MUSK: variants seen among roughly 807,000 people sequenced by gnomAD.
MUSK encodes the protein muscle associated receptor tyrosine kinase, also known as muscle, skeletal receptor tyrosine-protein kinase.
Under a neutral mutation model 88.7 loss-of-function variants are expected in MUSK, and 55 were observed. That is an observed-to-expected ratio of 0.62 (90% CI 0.50 to 0.78). The LOEUF (loss-of-function observed/expected upper bound fraction) is 0.78. MUSK is among the 30% of genes least tolerant of loss of function. The probability of loss-of-function intolerance (pLI) is 0.00; values close to 1 mark genes in which losing one functional copy is unlikely to be tolerated. For synonymous variants in MUSK, 387 were observed against 391.9 expected (o/e 0.99, Z 0.15); for missense variants, 1,015 against 1,074.3 (o/e 0.94, Z 0.77).
At chr9:110,683,372 T>C (rs1381209508) in intron 2 of MUSK, among the ~76,000 whole-genome samples, 3 of 152,116 alleles carry the variant, frequency 2.0e-5, no homozygotes, top group Admixed American at 2.0e-4. Flanking sequence ...TCTTTATCCA[T>C]TCATCTGTTA....
At chr9:110,742,859 TCTTGGTAATTCTACC>T (rs1351912060) in intron 6 of MUSK, among the ~76,000 whole-genome samples, 1 of 152,236 alleles carries the variant, frequency 6.6e-6, no homozygotes, top group Non-Finnish European at 1.5e-5. Flanking sequence ...CAAGTTTAGT[TCTTGGTAATTCTACC>T]CAAGTCTGAA....
At chr9:110,714,073 A>G (rs913360730) in intron 5 of MUSK, among the ~76,000 whole-genome samples, 4 of 152,180 alleles carry the variant, frequency 2.6e-5, no homozygotes, top group African/African-American at 9.6e-5. Context: ...TAAGCAGTTT[A>G]GCATCTCCTC....
chr9:110,778,704 C>A (rs1412204747), intron 11 of MUSK, among the ~76,000 whole-genome samples: 2 of 151,972 alleles, frequency 1.3e-5, no homozygotes, highest in Non-Finnish European at 2.9e-5. Flanking sequence ...TGAAATCTAT[C>A]TGATTCTGGC....
rs192406887 is a variant in MUSK, at chr9:110,704,433, G to T, written c.628+6967G>T. Among the ~76,000 whole-genome samples, 687 of 152,256 alleles carry T rather than the reference G, an allele frequency of 4.5e-3. 2 individuals carry two copies. Among genetic ancestry groups the T allele is most frequent in the Non-Finnish European group, 7.4e-3 (501 of 68,010 alleles). ...AAAAGCAGAACCTACCTCTTAGGAT[G>T]CTTGATTATTAGTTATTATAGACAC... On this transcript the variant is annotated intron_variant, in intron 5 of 14. Coordinates refer to ENST00000374448, the MANE Select transcript of MUSK (RefSeq NM_005592.4).
At chr9:110,735,210 T>C (rs1045252090) in intron 6 of MUSK, among the ~76,000 whole-genome samples, 3 of 152,062 alleles carry the variant, frequency 2.0e-5, no homozygotes, top group Non-Finnish European at 2.9e-5. Context: ...CTACTGGGTA[T>C]ACAGTCAAAA....
chr9:110,677,904 A>G (rs1383075430), intron 1 of MUSK, among the ~76,000 whole-genome samples: 2 of 152,162 alleles, frequency 1.3e-5, no homozygotes, highest in South Asian at 2.1e-4. Flanking sequence ...TCCTGTTTAA[A>G]GGACTTTTCT....
intron 3 of MUSK, among the ~76,000 whole-genome samples, chr9:110,689,718 T>TATTTATATATAAATATATAACTATATATA (rs370720549): frequency 3.9e-5 from 2 of 51,658 alleles, no homozygotes; most frequent in Admixed American, 3.2e-4. Context: ...TAACTATATA[T>TATTTATATATAAATATATAACTATATATA]GTTATATATA....
In MUSK at chr9:110,800,813, T is replaced by C. The variant is rs2078084657; in HGVS notation, c.2435T>C (p.Ile812Thr). ...TATGGGATGGCCCATGAGGAGGTCA[T>C]TTACTACGTGCGAGATGGCAACATC... Reference protein sequence around the residue: ...PYYGMAHEEVIYYVRDGNILS... With the variant: ...PYYGMAHEEVTYYVRDGNILS... The change falls in exon 15 of 15, where the codon ATT becomes ACT. Residue 812 changes from isoleucine to threonine, a missense_variant. Physicochemically the swap from Ile to Thr is moderately conservative, Grantham distance 89. Transcript: ENST00000374448. 6.2e-7 allele frequency: 1 copy of C among 1,613,306 alleles called. No homozygotes were observed. Among genetic ancestry groups the C allele is most frequent in the African/African-American group, 1.3e-5 (1 of 74,882 alleles).
chr9:110,784,666 C>T, intron 11 of MUSK, 149 bp from the exon 12 acceptor site: 1 of 574,844 alleles, frequency 1.7e-6, no homozygotes, highest in South Asian at 3.2e-5. Flanking sequence ...TACAACTAGA[C>T]CTTACTGAAC....
intron 14 of MUSK, among the ~76,000 whole-genome samples, chr9:110,799,017 GC>G (rs1437954591): frequency 6.6e-6 from 1 of 152,004 alleles, no homozygotes; most frequent in Non-Finnish European, 1.5e-5. Flanking sequence ...CAATGGTAAA[GC>G]CAGTTGATGA....
At position 110,687,124 on chromosome 9, in the gene MUSK, G is replaced by C; in HGVS notation, c.214G>C (p.Asp72His). 2 of 1,612,740 alleles carry C rather than the reference G, an allele frequency of 1.2e-6. No homozygotes were observed. Among genetic ancestry groups the C allele is most frequent in the East Asian group, 2.2e-5 (1 of 44,850 alleles). ...TRNKILIKLF[D>H]TRYSIRENGQ... ...TTTTTCTGTGACCTGCAGACTCTTTGACACCCGGTACAGCATCCGGGAGAA... is the reference window on the plus strand; with the variant it reads ...TTTTTCTGTGACCTGCAGACTCTTTCACACCCGGTACAGCATCCGGGAGAA... Residue 72 changes from aspartate to histidine, a missense_variant, in exon 3 of 15, where the codon GAC becomes CAC. Physicochemically the swap from Asp to His is moderately conservative, Grantham distance 81. Transcript: ENST00000374448.
At chr9:110,707,470 CT>C (rs1476711089) in intron 5 of MUSK, among the ~76,000 whole-genome samples, 18 of 152,178 alleles carry the variant, frequency 1.2e-4, no homozygotes, top group Non-Finnish European at 2.9e-5. Context: ...ATGAATACTG[CT>C]TTGTATATAG....
intron 1 of MUSK, among the ~76,000 whole-genome samples, chr9:110,673,941 C>A (rs1029231340): frequency 6.6e-6 from 1 of 152,026 alleles, no homozygotes; most frequent in Non-Finnish European, 1.5e-5. Flanking sequence ...CATTGTGCTG[C>A]CTGCTATTTT....
Position 110,805,064 on chromosome 9 carries a change from C to T in MUSK, c.*4076C>T, listed in dbSNP as rs1026825355. On this transcript the variant is annotated 3_prime_UTR_variant, in exon 15 of 15. Coordinates refer to ENST00000374448, the MANE Select transcript of MUSK (RefSeq NM_005592.4). ...GTTGAATAGTATTATACAGATTTATCGTAATTGACATAACTATTCTACTGT... is the reference window on the plus strand; with the variant it reads ...GTTGAATAGTATTATACAGATTTATTGTAATTGACATAACTATTCTACTGT... Among the ~76,000 whole-genome samples the T allele has an allele frequency of 1.8e-4, 27 of 151,984 alleles. No individual in the cohort carries two copies. In the Middle Eastern group the frequency reaches 0.01, roughly 58 times the overall value.
chr9:110,781,141 T>C (rs1188000829), intron 11 of MUSK, among the ~76,000 whole-genome samples: 1 of 152,208 alleles, frequency 6.6e-6, no homozygotes, highest in Admixed American at 6.5e-5. Flanking sequence ...GCATCACATC[T>C]GCTTAGTTCA....
intron 3 of MUSK, among the ~76,000 whole-genome samples, chr9:110,689,316 T>C (rs2076251257): frequency 1.7e-5 from 2 of 117,298 alleles, no homozygotes; most frequent in Non-Finnish European, 3.2e-5. Context: ...TATTTAAATA[T>C]ATATTAAATA....
At chr9:110,675,975 A>T (rs1185796093) in intron 1 of MUSK, among the ~76,000 whole-genome samples, 1 of 152,072 alleles carries the variant, frequency 6.6e-6, no homozygotes, top group African/African-American at 2.4e-5. Context: ...TTATCTCTCA[A>T]TATCTAGATG....
chr9:110,740,958 A>G (rs2077089415), intron 6 of MUSK, among the ~76,000 whole-genome samples: 1 of 152,182 alleles, frequency 6.6e-6, no homozygotes, highest in Non-Finnish European at 1.5e-5. Context: ...ATAGAAGCAC[A>G]GAATAGAATA....
chr9:110,734,463 TCTCTGTCATTGGTCTCAC>T, intron 6 of MUSK, 88 bp downstream of exon 6: 1 of 1,544,704 alleles, frequency 6.5e-7, no homozygotes, highest in Admixed American at 1.7e-5. Context: ...GTTACCCAGA[TCTCTGTCATTGGTCTCAC>T]CTACACCACT....
Sources: allele counts gnomAD v4.1 joint callset (sites outside exome capture counted in the v4.1 genomes callset), GRCh38; gene constraint gnomAD v4.1.1; transcripts MANE v1.5; gene names NCBI Gene and HGNC (gene_info 2026-07-23, HGNC 2026-07-21).